Variants in CAMKK2 observed in about 807,000 individuals in gnomAD.
CAMKK2 encodes the protein calcium/calmodulin-dependent protein kinase kinase 2.
In CAMKK2, 30 loss-of-function variants were observed where a neutral mutation model predicts 67.2. That is an observed-to-expected ratio of 0.45 (90% CI 0.33 to 0.61). The LOEUF (loss-of-function observed/expected upper bound fraction) is 0.61. CAMKK2 is among the 20% of genes least tolerant of loss of function. The pLI is 0.02. For synonymous variants in CAMKK2, 322 were observed against 326.2 expected, an observed-to-expected ratio of 0.99 and a Z score of 0.14; for missense variants, 643 against 802.0, an observed-to-expected ratio of 0.80 and a Z score of 2.39.
At chr12:121,271,019 C>A in intron 2 of CAMKK2, 74 bp from the exon 3 acceptor site, 1 of 1,203,192 alleles carries the variant, frequency 8.3e-7, no homozygotes, top group African/African-American at 1.5e-5. Context: ...GTGGCTCACA[C>A]CTACAAGCCC....
chr12:121,259,405 G>A (rs753432193), intron 7 of CAMKK2, among the ~76,000 whole-genome samples: 1 of 152,186 alleles, frequency 6.6e-6, no homozygotes, highest in Non-Finnish European at 1.5e-5. Context: ...AGCAGGGTCT[G>A]ACAAATTGTA....
rs765156471 is a variant in CAMKK2, at chr12:121,249,965, C to G, written c.1231G>C (p.Asp411His). ...GGGACGGCGGGAGATACTCACTGGT[C>G]TGGAAATTCCAGGGCCTGACTCTTG... ...KIKSQALEFP[D>H]QPDIAEDLKD... Residue 411 changes from aspartate (D) to histidine (H), a missense_variant, in exon 12 of 17, where the codon GAC becomes CAC. Physicochemically the swap from Asp to His is moderately conservative, Grantham distance 81. Transcript: ENST00000404169. 6.2e-7 allele frequency: 1 copy of G among 1,614,124 alleles called. No homozygotes were observed. Among genetic ancestry groups the G allele is most frequent in the East Asian group, 2.2e-5 (1 of 44,884 alleles).
intron 13 of CAMKK2, 86 bp from the exon 14 acceptor site, chr12:121,248,820 A>C (rs1393775983): frequency 6.6e-7 from 1 of 1,511,772 alleles, no homozygotes; most frequent in East Asian, 2.3e-5. Flanking sequence ...AAGGGCATGC[A>C]GGACGGAGAG....
In CAMKK2 at chr12:121,258,088, G is replaced by A. The variant is rs139631648; in HGVS notation, c.796+2231C>T. The stretch of plus-strand genomic sequence containing the variant: ...CACCCAGACTGGAGTGCAATGGCAC[G>A]ATCTCGGTTCACTGCAACCTCCGCT... On this transcript the variant is annotated intron_variant, in intron 7 of 16. Coordinates refer to ENST00000404169, the MANE Select transcript of CAMKK2 (RefSeq NM_001270485.2). 5.3e-3 allele frequency among the ~76,000 whole-genome samples: 779 copies of A among 148,010 alleles called. 8 individuals are homozygous for A. The highest frequency in any genetic ancestry group is 0.019 in the African/African-American group (745 of 39,860).
chr12:121,243,664 G>T, intron 16 of CAMKK2: 1 of 177,622 alleles, frequency 5.6e-6, no homozygotes, highest in Non-Finnish European at 1.2e-5. Flanking sequence ...CTGGGGTGGG[G>T]GAGTTGGATG....
At chr12:121,241,779 C>T (rs1018959515) in intron 16 of CAMKK2, among the ~76,000 whole-genome samples, 5 of 152,188 alleles carry the variant, frequency 3.3e-5, no homozygotes, top group African/African-American at 9.7e-5. Context: ...GGGAGGGGGG[C>T]GCTGTAACTA....
At chr12:121,250,485 C>A (rs963483467) in intron 11 of CAMKK2, among the ~76,000 whole-genome samples, 1 of 152,178 alleles carries the variant, frequency 6.6e-6, no homozygotes, top group Non-Finnish European at 1.5e-5. Context: ...TGTTCCCCGT[C>A]CCTGGAATGT....
rs1442439813 is a variant in CAMKK2, at chr12:121,296,355, G to A, written c.-60+283C>T. Among the ~76,000 whole-genome samples, 1 of 152,176 alleles carries A rather than the reference G, an allele frequency of 6.6e-6. No homozygotes were observed. The highest frequency in any genetic ancestry group is 1.5e-5 in the Non-Finnish European group (1 of 68,020). ...GACCCCGGTTCCAAACTCCAGGACC[G>A]CCCCTGCCACCCGGACAGGGCGCGG... On this transcript the variant is annotated intron_variant, in intron 1 of 16. Transcript: ENST00000404169. This position sits in a 1 kb window ranked among gnomAD's most constrained non-coding sequence, Gnocchi z 7.1.
chr12:121,241,703 C>T (rs1313488969), intron 16 of CAMKK2, among the ~76,000 whole-genome samples: 6 of 152,206 alleles, frequency 3.9e-5, no homozygotes, highest in Admixed American at 3.9e-4. Context: ...TGTCCTTACA[C>T]AAGGGAAAGG....
chr12:121,249,664 G>A (rs1890244428), intron 13 of CAMKK2, 123 bp downstream of exon 13: 1 of 837,422 alleles, frequency 1.2e-6, no homozygotes, highest in African/African-American at 1.7e-5. Context: ...GAGGCCCTGG[G>A]GCATAGGAGA....
At chr12:121,276,673 A>G (rs1896868497) in intron 1 of CAMKK2, among the ~76,000 whole-genome samples, 1 of 151,460 alleles carries the variant, frequency 6.6e-6, no homozygotes, top group Non-Finnish European at 1.5e-5. Context: ...CCACATCACA[A>G]AGGGTCTCTC....
At chr12:121,271,136 G>T (rs140917329) in intron 2 of CAMKK2, among the ~76,000 whole-genome samples, 191 bp from the exon 3 acceptor site, 1 of 151,810 alleles carries the variant, frequency 6.6e-6, no homozygotes, top group Admixed American at 6.6e-5. Context: ...TTAGCCAGGC[G>T]TGGTGGTGGG....
At chr12:121,254,616 A>G (rs966086937) in intron 9 of CAMKK2, among the ~76,000 whole-genome samples, 1 of 152,132 alleles carries the variant, frequency 6.6e-6, no homozygotes, top group African/African-American at 2.4e-5. Flanking sequence ...CAGGACCCTG[A>G]TCCCAGGGTC....
chr12:121,256,412 C>T (rs973390220), intron 7 of CAMKK2, among the ~76,000 whole-genome samples: 7 of 152,172 alleles, frequency 4.6e-5, no homozygotes, highest in African/African-American at 7.2e-5. Context: ...ATTTACGTAA[C>T]ATAAAATTAC....
rs201016179 is a variant in CAMKK2, at chr12:121,248,722, C to T, written c.1336G>A (p.Val446Ile). The change falls in exon 14 of 17, where the codon GTC becomes ATC. Residue 446 changes from valine to isoleucine, a missense_variant. By Grantham distance (29) the Val-to-Ile change is conservative. Around this residue, in one of 3 missense-constraint regions of CAMKK2, gnomAD observed 483 missense variants for 625.8 expected, o/e 0.77. Coordinates refer to ENST00000404169, the MANE Select transcript of CAMKK2 (RefSeq NM_001270485.2). Reference sequence around the variant, plus strand: ...AACGGCTCCGCCCCATGCCTCGTGACCCAGGGGTGCAGCTTCAACGAACGA... The same window carrying T: ...AACGGCTCCGCCCCATGCCTCGTGATCCAGGGGTGCAGCTTCAACGAACGA... ...VVPEIKLHPW[V>I]TRHGAEPLPS... 1.2e-6 allele frequency: 2 copies of T among 1,614,134 alleles called. No individual in the cohort carries two copies. Among genetic ancestry groups the T allele is most frequent in the East Asian group, 2.2e-5 (1 of 44,886 alleles).
chr12:121,269,675 T>C, intron 3 of CAMKK2, 94 bp from the exon 4 acceptor site: 1 of 916,932 alleles, frequency 1.1e-6, no homozygotes, highest in South Asian at 1.4e-5. Flanking sequence ...GGCAGCCCAT[T>C]GGTCAAATCT....
At chr12:121,281,374 G>C (rs1469485187) in intron 1 of CAMKK2, among the ~76,000 whole-genome samples, 1 of 152,194 alleles carries the variant, frequency 6.6e-6, no homozygotes, top group Non-Finnish European at 1.5e-5. Context: ...CAACAAAAAG[G>C]CCCAAAACAG....
chr12:121,259,900 T>C (rs191705479), intron 7 of CAMKK2, among the ~76,000 whole-genome samples: 52 of 152,196 alleles, frequency 3.4e-4, no homozygotes, highest in Admixed American at 6.5e-4. Context: ...CTGGACAACA[T>C]AGTGACACTT....
chr12:121,257,787 C>A (rs1027833574), intron 7 of CAMKK2, among the ~76,000 whole-genome samples: 9 of 152,078 alleles, frequency 5.9e-5, no homozygotes, highest in Non-Finnish European at 1.3e-4. Flanking sequence ...GACAACCCAG[C>A]GCTGGCCCCC....
Sources: allele counts gnomAD v4.1 joint callset (sites outside exome capture counted in the v4.1 genomes callset), GRCh38; gene constraint gnomAD v4.1.1; regional missense constraint gnomAD v4.1.1; non-coding constraint Gnocchi (gnomAD v3.1); transcripts MANE v1.5; gene names NCBI Gene and HGNC (gene_info 2026-07-23, HGNC 2026-07-21).